Variants in CD96 observed in about 807,000 individuals in gnomAD.
CD96 encodes T-cell surface protein tactile.
CD96 carries 70 observed loss-of-function variants against 71.3 expected under a neutral mutation model. The ratio of observed to expected loss-of-function variants is 0.98; its 90% CI spans 0.81 to 1.20. The LOEUF (loss-of-function observed/expected upper bound fraction) is 1.20. Among genes scored for constraint, CD96 ranks in the 50% most tolerant of loss-of-function variants. CD96 has a pLI of 0.00. For missense variants in CD96, 742 were observed against 677.5 expected (o/e 1.10, Z -1.06); for synonymous variants, 248 against 233.0 (o/e 1.06, Z -0.59).
At chr3:111,573,335 A>T (rs972347024) in intron 3 of CD96, among the ~76,000 whole-genome samples, 3 of 152,244 alleles carry the variant, frequency 2.0e-5, no homozygotes, top group Non-Finnish European at 2.9e-5. Flanking sequence ...TCCTGCAGGG[A>T]TACAAAACTA....
At chr3:111,610,188 T>C (rs534705239) in intron 8 of CD96, among the ~76,000 whole-genome samples, 1 of 152,252 alleles carries the variant, frequency 6.6e-6, no homozygotes, top group Admixed American at 6.5e-5. Context: ...ATAAAACTCA[T>C]GTTAAACCAG....
At chr3:111,561,820 T>G (rs572832607) in intron 2 of CD96, among the ~76,000 whole-genome samples, 200 of 151,210 alleles carry the variant, frequency 1.3e-3, no homozygotes, top group African/African-American at 4.4e-3. Flanking sequence ...CGCTGCCGAC[T>G]TGCAGTTTGA....
rs115486072 is a variant in CD96 at position 111,591,098 on chromosome 3, G to A, written c.807+5720G>A. Among the ~76,000 whole-genome samples the A allele has an allele frequency of 2.6e-3, 401 of 152,344 alleles. 2 individuals carry two copies. Among genetic ancestry groups the A allele is most frequent in the African/African-American group, 9.0e-3 (376 of 41,580 alleles). On this transcript the variant is annotated intron_variant, in intron 5 of 13. Coordinates refer to ENST00000352690, the MANE Select transcript of CD96 (RefSeq NM_005816.5). ...CATGTAAAACAGATACCAGAGGCCA[G>A]AAGCAGTGGCTCACGCCTGTAATCC...
At chr3:111,657,843 C>T (rs1206263585) in intron 14 of CD96, among the ~76,000 whole-genome samples, 5 of 152,168 alleles carry the variant, frequency 3.3e-5, no homozygotes, top group Admixed American at 6.5e-5. Flanking sequence ...CCAAGCATCA[C>T]ATCTGGAGAC....
intron 7 of CD96, among the ~76,000 whole-genome samples, chr3:111,603,444 CAA>C (rs770327298): frequency 1.1e-4 from 14 of 132,716 alleles, no homozygotes; most frequent in African/African-American, 1.4e-4. Context: ...GGCTTTGTCT[CAA>C]AAAAAAAAAA....
At chr3:111,561,447 G>T (rs1380084119) in intron 2 of CD96, among the ~76,000 whole-genome samples, 28 of 140,010 alleles carry the variant, frequency 2.0e-4, no homozygotes, top group Non-Finnish European at 2.4e-4. Flanking sequence ...CTCAGCTGCA[G>T]GTCTGTTGGA....
chr3:111,598,335 C>T (rs916061858), intron 6 of CD96, 125 bp downstream of exon 6: 2 of 694,506 alleles, frequency 2.9e-6, no homozygotes. Flanking sequence ...AGAAAAACAT[C>T]ATTCTGCCTA....
intron 14 of CD96, among the ~76,000 whole-genome samples, chr3:111,658,933 C>T (rs1940293072): frequency 6.6e-6 from 1 of 152,192 alleles, no homozygotes; most frequent in African/African-American, 2.4e-5. Context: ...CCCTCCTCCT[C>T]AATTTTCTGG....
chr3:111,621,263 T>A (rs1481350490), intron 8 of CD96, among the ~76,000 whole-genome samples: 1 of 152,216 alleles, frequency 6.6e-6, no homozygotes, highest in Non-Finnish European at 1.5e-5. Context: ...ACAATTGTTA[T>A]CATAGCACCA....
intron 10 of CD96, among the ~76,000 whole-genome samples, chr3:111,627,290 A>G (rs1298719763): frequency 1.3e-5 from 2 of 151,918 alleles, no homozygotes; most frequent in African/African-American, 2.4e-5. Context: ...TGTTTGGATG[A>G]CTCAGCCCTT....
At chr3:111,632,373 C>G (rs1432582283) in intron 10 of CD96, among the ~76,000 whole-genome samples, 1 of 152,090 alleles carries the variant, frequency 6.6e-6, no homozygotes, top group African/African-American at 2.4e-5. Flanking sequence ...AAAAAAAGCT[C>G]AACATCACTG....
At chr3:111,565,236 T>C (rs762396943) in intron 2 of CD96, among the ~76,000 whole-genome samples, 4 of 152,194 alleles carry the variant, frequency 2.6e-5, no homozygotes, top group African/African-American at 7.2e-5. Flanking sequence ...CAGTTACTGA[T>C]AGCACAGTGG....
At chr3:111,635,146 A>G (rs1215512828) in intron 10 of CD96, 2 of 153,336 alleles carry the variant, frequency 1.3e-5, no homozygotes, top group Non-Finnish European at 2.9e-5. Flanking sequence ...AAGAGATACC[A>G]GAATTGTTCA....
intron 8 of CD96, among the ~76,000 whole-genome samples, chr3:111,619,624 A>C (rs1459972582): frequency 6.6e-6 from 1 of 152,220 alleles, no homozygotes; most frequent in Admixed American, 6.5e-5. Context: ...CTATGTTGTG[A>C]AATATAAACT....
In CD96 at chr3:111,612,054, G is replaced by A. The variant is rs775683616; in HGVS notation, c.1180+5262G>A. On this transcript the variant is annotated intron_variant, in intron 8 of 13. Transcript: ENST00000352690. Reference sequence around the variant, plus strand: ...GTTAATGTCACTACTGTGTTTAAACGTCAACTAATGGGCTATGAATCGGGG... The same window carrying A: ...GTTAATGTCACTACTGTGTTTAAACATCAACTAATGGGCTATGAATCGGGG... Among the ~76,000 whole-genome samples the A allele has an allele frequency of 3.4e-4, 52 of 152,288 alleles. 1 individual carries two copies. The highest frequency in any genetic ancestry group is 6.0e-4 in the African/African-American group (25 of 41,556).
At chr3:111,579,275 TCTC>T in intron 4 of CD96, 41 bp downstream of exon 4, 1 of 1,038,016 alleles carries the variant, frequency 9.6e-7, no homozygotes, top group Non-Finnish European at 1.5e-6. Flanking sequence ...CATCCTCCTG[TCTC>T]CTGCCCTGCT....
At chr3:111,646,782 C>A (rs1939848123) in intron 12 of CD96, among the ~76,000 whole-genome samples, 1 of 152,040 alleles carries the variant, frequency 6.6e-6, no homozygotes, top group Non-Finnish European at 1.5e-5. Flanking sequence ...TTTATCACAG[C>A]ACTATTCACA....
intron 14 of CD96, among the ~76,000 whole-genome samples, chr3:111,665,109 A>T (rs1360185382): frequency 6.6e-6 from 1 of 152,154 alleles, no homozygotes; most frequent in East Asian, 1.9e-4. Context: ...AGAGAGATGG[A>T]AGCAAATGAC....
intron 8 of CD96, among the ~76,000 whole-genome samples, chr3:111,621,624 C>T (rs185788758): frequency 9.2e-5 from 14 of 152,282 alleles, no homozygotes; most frequent in African/African-American, 3.1e-4. Flanking sequence ...AATTATAAAT[C>T]ACTTGGTGAT....
Sources: gnomAD v4.1 joint callset for allele counts (sites outside exome capture counted in the v4.1 genomes callset) on GRCh38, gnomAD v4.1.1 for gene constraint, MANE v1.5 for transcripts, NCBI Gene and HGNC (gene_info 2026-07-23, HGNC 2026-07-21) for gene names.